NBPF3: variants seen among roughly 807,000 people sequenced by gnomAD.
NBPF3 encodes the protein NBPF family member NBPF3.
In NBPF3, 57 loss-of-function variants were observed where a neutral mutation model predicts 78.1. That is an observed-to-expected ratio of 0.73 (90% CI 0.59 to 0.91). The LOEUF (loss-of-function observed/expected upper bound fraction) is 0.91. Ranked by LOEUF, NBPF3 falls within the 40% of genes least tolerant of loss-of-function variation. The pLI, the probability that NBPF3 is intolerant of heterozygous loss-of-function variation, is 0.00. For missense variants in NBPF3, 510 were observed against 715.3 expected, an observed-to-expected ratio of 0.71 and a Z score of 3.27; for synonymous variants, 182 against 271.7, an observed-to-expected ratio of 0.67 and a Z score of 3.25.
intron 1 of NBPF3, among the ~76,000 whole-genome samples, chr1:21,441,132 C>CT (rs763245777): frequency 1.3e-5 from 2 of 152,162 alleles, no homozygotes; most frequent in Non-Finnish European, 2.9e-5. Context: ...GCAGTGGTAC[C>CT]TTTTCTTTGG....
chr1:21,468,423 C>T (rs1055532549), intron 2 of NBPF3: 5 of 1,358,124 alleles, frequency 3.7e-6, no homozygotes, highest in Middle Eastern at 2.8e-4. Flanking sequence ...CCTTCTAATT[C>T]TGTTATTGCA....
chr1:21,437,258 G>A, upstream of NBPF3: 1 of 354,726 alleles, frequency 2.8e-6, no homozygotes, highest in South Asian at 3.9e-5. Context: ...GAGCCCTCGG[G>A]GTGGTGTCAG....
At position 21,464,182 on chromosome 1, in the gene NBPF3, C is replaced by G. The variant is rs557777531; in HGVS notation, c.134-4506C>G. 2.0e-5 allele frequency among the ~76,000 whole-genome samples: 3 copies of G among 152,308 alleles called. No homozygotes were observed. The South Asian group carries it at 6.2e-4, about 32-fold the overall frequency. The stretch of plus-strand genomic sequence containing the variant: ...AAAACCTGTACAAAGCTGTTCACAG[C>G]AGCATTATTCATAATAGTTAAAAAG... On this transcript the variant is annotated intron_variant, in intron 2 of 14. Coordinates refer to ENST00000318249, the MANE Select transcript of NBPF3 (RefSeq NM_032264.6).
intron 2 of NBPF3, among the ~76,000 whole-genome samples, chr1:21,450,700 C>G (rs542076690): frequency 6.6e-6 from 1 of 151,766 alleles, no homozygotes; most frequent in African/African-American, 2.4e-5. Flanking sequence ...ATGTAGATCA[C>G]ATCAGATCAA....
Position 21,460,584 on chromosome 1 carries a change from A to G in NBPF3, c.134-8104A>G, listed in dbSNP as rs1276192730. Among the ~76,000 whole-genome samples the G allele has an allele frequency of 6.6e-6, 1 of 152,242 alleles. No homozygotes were observed. Among genetic ancestry groups the G allele is most frequent in the Non-Finnish European group, 1.5e-5 (1 of 68,044 alleles). ...AGTGAAATAATATTTGTGGTTTTAA[A>G]AAGTTAATATTAACCACTCTTCATC... On this transcript the variant is annotated intron_variant, in intron 2 of 14. Transcript: ENST00000318249. The surrounding 1 kb of genome is among the most constrained non-coding windows in gnomAD (Gnocchi z 4.2).
intron 3 of NBPF3, among the ~76,000 whole-genome samples, chr1:21,469,504 A>G (rs1642468278): frequency 6.6e-6 from 1 of 152,162 alleles, no homozygotes; most frequent in Non-Finnish European, 1.5e-5. Flanking sequence ...AGGCGGGTAG[A>G]GCACGAGGTC....
chr1:21,462,219 C>T lies in NBPF3; in HGVS notation c.134-6469C>T, dbSNP rs541993205. 1.1e-3 allele frequency among the ~76,000 whole-genome samples: 165 copies of T among 152,300 alleles called. No individual in the cohort carries two copies. The Middle Eastern group carries it at 0.02, about 19-fold the overall frequency. ...GATAAATTACGCAGCCGCCGGTATT[C>T]CTTTCCAGCAACACAAAGGGGCTAA... On this transcript the variant is annotated intron_variant, in intron 2 of 14. Transcript: ENST00000318249.
At chr1:21,438,360 C>A (rs369292768), upstream of NBPF3, among the ~76,000 whole-genome samples, 1 of 152,134 alleles carries the variant, frequency 6.6e-6, no homozygotes, top group East Asian at 1.9e-4. Flanking sequence ...GTGATCCACC[C>A]GCTTCGGCCA....
At chr1:21,449,601 G>A (rs907397157) in intron 2 of NBPF3, among the ~76,000 whole-genome samples, 2 of 152,040 alleles carry the variant, frequency 1.3e-5, no homozygotes, top group African/African-American at 2.4e-5. Context: ...CTCCTGAGTA[G>A]CTGCGATTAC....
At chr1:21,461,011 A>G (rs1317454438) in intron 2 of NBPF3, among the ~76,000 whole-genome samples, 1 of 152,234 alleles carries the variant, frequency 6.6e-6, no homozygotes, top group Admixed American at 6.5e-5. Flanking sequence ...AACATTAGGC[A>G]TGAGAAAACC....
intron 1 of NBPF3, among the ~76,000 whole-genome samples, chr1:21,444,290 C>T (rs1021390258): frequency 6.6e-6 from 1 of 152,166 alleles, no homozygotes; most frequent in Non-Finnish European, 1.5e-5. Flanking sequence ...GAAAAATAAA[C>T]CTTCGTATGT....
At chr1:21,437,502 G>A (rs1402636746), upstream of NBPF3, 2 of 1,457,018 alleles carry the variant, frequency 1.4e-6, no homozygotes, top group African/African-American at 1.4e-5. Context: ...GAGGTGCAGC[G>A]GCTGCGGAGA....
chr1:21,439,664 G>A (rs1640512689), upstream of NBPF3, among the ~76,000 whole-genome samples: 1 of 151,494 alleles, frequency 6.6e-6, no homozygotes, highest in Non-Finnish European at 1.5e-5. Flanking sequence ...TTTTTTAATA[G>A]ATACGGGGCT....
At chr1:21,477,864 T>C (rs1642966534) in intron 8 of NBPF3, among the ~76,000 whole-genome samples, 1 of 152,228 alleles carries the variant, frequency 6.6e-6, no homozygotes, top group African/African-American at 2.4e-5. Context: ...TTCTCTGTGC[T>C]GCAAGTCATG....
intron 2 of NBPF3, chr1:21,453,779 T>C (rs939699653): frequency 6.6e-6 from 1 of 152,248 alleles, no homozygotes; most frequent in Non-Finnish European, 1.5e-5. Context: ...TGGGAATTTA[T>C]GACCTGGCAT....
intron 2 of NBPF3, chr1:21,451,972 G>T (rs1194690456): frequency 9.1e-6 from 3 of 329,470 alleles, no homozygotes; most frequent in African/African-American, 6.8e-5. Context: ...CCAGGGCAGA[G>T]ATGGGTCGTT....
At chr1:21,451,369 T>C (rs1299553639) in intron 2 of NBPF3, among the ~76,000 whole-genome samples, 2 of 152,176 alleles carry the variant, frequency 1.3e-5, no homozygotes, top group Non-Finnish European at 2.9e-5. Context: ...GAATAGGCAG[T>C]TGTTTGGTTC....
chr1:21,445,696 A>G (rs1164816465), intron 2 of NBPF3, among the ~76,000 whole-genome samples: 2 of 151,982 alleles, frequency 1.3e-5, no homozygotes, highest in Admixed American at 1.3e-4. Context: ...TGCCCTCTGG[A>G]TGTGTCTAGG....
intron 4 of NBPF3, among the ~76,000 whole-genome samples, chr1:21,471,262 G>A (rs2147989496): frequency 6.6e-6 from 1 of 152,302 alleles, no homozygotes; most frequent in South Asian, 2.1e-4. Flanking sequence ...TCCATGGCCA[G>A]AGTGAGGAAC....
Sources: gnomAD v4.1 joint callset for allele counts (sites outside exome capture counted in the v4.1 genomes callset) on GRCh38, gnomAD v4.1.1 for gene constraint, Gnocchi (gnomAD v3.1) non-coding constraint, MANE v1.5 for transcripts, NCBI Gene and HGNC (gene_info 2026-07-23, HGNC 2026-07-21) for gene names.